Variants in USP49 observed in about 807,000 individuals in gnomAD.
USP49 encodes ubiquitin specific peptidase 49, also known as ubiquitin carboxyl-terminal hydrolase 49.
In USP49, 24 loss-of-function variants were observed where a neutral mutation model predicts 58.6. The ratio of observed to expected loss-of-function variants is 0.41; its 90% CI spans 0.30 to 0.58. USP49 has a LOEUF of 0.58. Among genes scored for constraint, USP49 ranks in the 20% least tolerant of loss-of-function variants. The pLI, the probability that USP49 is intolerant of heterozygous loss-of-function variation, is 0.30. For missense variants in USP49, 703 were observed against 866.1 expected, an observed-to-expected ratio of 0.81 and a Z score of 2.36; for synonymous variants, 408 against 365.1, an observed-to-expected ratio of 1.12 and a Z score of -1.34.
intron 6 of USP49, among the ~76,000 whole-genome samples, chr6:41,799,132 ACT>A (rs1401378987): frequency 2.6e-5 from 4 of 151,044 alleles, no homozygotes; most frequent in Admixed American, 1.3e-4. Context: ...ACAGGGTCTC[ACT>A]CTGTTGCCCA....
chr6:41,801,264 T>C (rs546463452), intron 5 of USP49, among the ~76,000 whole-genome samples: 2 of 152,260 alleles, frequency 1.3e-5, no homozygotes, highest in Non-Finnish European at 2.9e-5. Context: ...TCCCTGTTAA[T>C]TGTCTTGAGC....
rs761578620 is a variant in USP49 at position 41,806,774 on chromosome 6, C to A, written c.210G>T (p.Arg70=). The change falls in exon 4 of 8, where the codon CGG becomes CGT. Residue 70 remains arginine (R), a synonymous_variant. Coordinates refer to ENST00000682992, the MANE Select transcript of USP49 (RefSeq NM_001286554.2). This position sits in a 1 kb window ranked among gnomAD's most constrained non-coding sequence, Gnocchi z 5.9. ...ACAGGTAACAGAACACGTAGAGATCCCGGACTTCCATGGCTAGCGGGTGTC... is the reference window on the plus strand; with the variant it reads ...ACAGGTAACAGAACACGTAGAGATCACGGACTTCCATGGCTAGCGGGTGTC... The part of the protein sequence containing the change: ...ETGHPLAMEV[R]DLYVFCYLCK... 5.3e-5 allele frequency: 85 copies of A among 1,614,098 alleles called. No individual in the cohort carries two copies. The Admixed American group carries it at 1.4e-3, about 27-fold the overall frequency.
intron 2 of USP49, among the ~76,000 whole-genome samples, chr6:41,882,846 G>A (rs1774636350): frequency 6.6e-6 from 1 of 151,714 alleles, no homozygotes; most frequent in South Asian, 2.1e-4. Context: ...AACCCAGGAG[G>A]CAGAGGTTGC....
intron 2 of USP49, among the ~76,000 whole-genome samples, chr6:41,889,644 T>C (rs1024479064): frequency 6.6e-6 from 1 of 152,164 alleles, no homozygotes; most frequent in Admixed American, 6.6e-5. Context: ...AATCTCAGAA[T>C]GTACAGGAGA....
In USP49 at chr6:41,817,615, A is replaced by ATTTTTCT. The variant is rs1322088406; in HGVS notation, c.-28-10611_-28-10605dup. 8.8e-4 allele frequency among the ~76,000 whole-genome samples: 132 copies of ATTTTTCT among 150,194 alleles called. 1 individual carries two copies. The highest frequency in any genetic ancestry group is 2.5e-4 in the Non-Finnish European group (17 of 67,542). ...GCTGGGATTACAGGCGCCCACCACCATTTTTCTTTTTTCTTTTTGAGATGG... is the reference window on the plus strand; with the variant it reads ...GCTGGGATTACAGGCGCCCACCACCATTTTTCTTTTTTCTTTTTTCTTTTTGAGATGG... On this transcript the variant is annotated intron_variant, in intron 3 of 7. Transcript: ENST00000682992.
At chr6:41,850,691 G>A (rs960228807) in intron 3 of USP49, among the ~76,000 whole-genome samples, 2 of 149,426 alleles carry the variant, frequency 1.3e-5, no homozygotes, top group African/African-American at 2.5e-5. Flanking sequence ...TGCAACCTCC[G>A]CCTCCTGGGT....
At chr6:41,872,332 C>T (rs1363825264) in intron 2 of USP49, among the ~76,000 whole-genome samples, 2 of 152,204 alleles carry the variant, frequency 1.3e-5, no homozygotes, top group East Asian at 1.9e-4. Flanking sequence ...CACAGAGTTC[C>T]TCTTCGAAGA....
chr6:41,804,066 G>A, intron 4 of USP49, 56 bp from the exon 5 acceptor site: 1 of 1,518,574 alleles, frequency 6.6e-7, no homozygotes, highest in Non-Finnish European at 9.0e-7. Context: ...CCTGTGTACA[G>A]TTTTACTTGC....
intron 3 of USP49, among the ~76,000 whole-genome samples, chr6:41,843,488 T>C (rs554216971): frequency 1.3e-5 from 2 of 152,254 alleles, no homozygotes; most frequent in Non-Finnish European, 2.9e-5. Flanking sequence ...TTGTGGAACA[T>C]AGAATTTTTC....
intron 3 of USP49, among the ~76,000 whole-genome samples, chr6:41,856,348 C>A (rs1256320782): frequency 6.6e-6 from 1 of 151,182 alleles, no homozygotes; most frequent in African/African-American, 2.4e-5. Flanking sequence ...GGACTCCAGC[C>A]TGGGCGACAG....
At chr6:41,855,931 C>CCA (rs1373674850) in intron 3 of USP49, among the ~76,000 whole-genome samples, 2 of 151,968 alleles carry the variant, frequency 1.3e-5, no homozygotes, top group Admixed American at 1.3e-4. Context: ...GCCTGTAATC[C>CCA]CAGCTACTAG....
chr6:41,819,955 A>G (rs1234601614), intron 3 of USP49, among the ~76,000 whole-genome samples: 3 of 152,220 alleles, frequency 2.0e-5, no homozygotes, highest in African/African-American at 7.2e-5. Flanking sequence ...CAAATGCTAC[A>G]GGATCAGTCA....
Position 41,826,332 on chromosome 6 carries a change from C to T in USP49, c.-28-19321G>A, listed in dbSNP as rs561012490. Reference sequence around the variant, plus strand: ...GAAGGAACTATGAATAAGAAACATCCTATCTAATACTGGCAGAAGCAAAAT... The same window carrying T: ...GAAGGAACTATGAATAAGAAACATCTTATCTAATACTGGCAGAAGCAAAAT... On this transcript the variant is annotated intron_variant, in intron 3 of 7. Transcript: ENST00000682992. Among the ~76,000 whole-genome samples the T allele has an allele frequency of 4.8e-4, 53 of 110,314 alleles. No homozygotes were observed. The South Asian group carries it at 0.015, about 32-fold the overall frequency. 72.4% of individuals were successfully genotyped at this position (110,314 alleles called of 152,430 possible). A position where few individuals can be genotyped will look rare whatever the true frequency, so the allele number is the denominator to read the frequency against.
At position 41,790,466 on chromosome 6, in the gene USP49, T is replaced by C. The variant is rs1057375627; in HGVS notation, c.*6067A>G. 2.6e-5 allele frequency: 4 copies of C among 152,168 alleles called. No individual in the cohort carries two copies. The highest frequency in any genetic ancestry group is 4.8e-5 in the African/African-American group (2 of 41,436). The allele number at this position is 152,168 out of a possible 1,614,324, so 9.4% of individuals were successfully genotyped here. A position where few individuals can be genotyped will look rare whatever the true frequency, so the allele number is the denominator to read the frequency against. ...TTATATAGCCATAGAAAGAGGTGGATAGAAACAGGTCCACCATGGCAATAT... is the reference window on the plus strand; with the variant it reads ...TTATATAGCCATAGAAAGAGGTGGACAGAAACAGGTCCACCATGGCAATAT... On this transcript the variant is annotated 3_prime_UTR_variant, in exon 8 of 8. Transcript: ENST00000682992.
intron 3 of USP49, among the ~76,000 whole-genome samples, chr6:41,849,788 A>T (rs749024534): frequency 6.6e-6 from 1 of 151,970 alleles, no homozygotes; most frequent in African/African-American, 2.4e-5. Context: ...TTTGTATTTT[A>T]GTAGAGACAA....
intron 5 of USP49, among the ~76,000 whole-genome samples, chr6:41,802,452 A>ATTTTTTTTTTT (rs1561902624): frequency 1.1e-4 from 7 of 63,812 alleles, no homozygotes; most frequent in East Asian, 4.0e-4. Context: ...TTATTTATTT[A>ATTTTTTTTTTT]TTTATTTATT....
At chr6:41,874,476 T>C (rs1277837066) in intron 2 of USP49, among the ~76,000 whole-genome samples, 1 of 152,204 alleles carries the variant, frequency 6.6e-6, no homozygotes, top group Non-Finnish European at 1.5e-5. Context: ...CCAGCAACAC[T>C]GATAACAGTG....
chr6:41,894,952 T>C (rs1473395762), intron 1 of USP49, among the ~76,000 whole-genome samples: 4 of 151,526 alleles, frequency 2.6e-5, no homozygotes, highest in Non-Finnish European at 5.9e-5. Flanking sequence ...TCAACGCTTT[T>C]GCCCCAACCC....
Position 41,803,692 on chromosome 6 carries a change from A to T in USP49, c.1561+114T>A. ...GAAAAAGATCTTTAAAAGATGCTTT[A>T]GAACCATTCAATATCATTAGTGTTA... On this transcript the variant is annotated intron_variant, in intron 5 of 7. Coordinates refer to ENST00000682992, the MANE Select transcript of USP49 (RefSeq NM_001286554.2). This position sits in a 1 kb window ranked among gnomAD's most constrained non-coding sequence, Gnocchi z 4.1. 1.7e-6 allele frequency: 2 copies of T among 1,144,620 alleles called. No homozygotes were observed. Among genetic ancestry groups the T allele is most frequent in the Non-Finnish European group, 2.5e-6 (2 of 788,024 alleles). 70.9% of individuals were successfully genotyped at this position (1,144,620 alleles called of 1,614,324 possible).
Sources: gnomAD v4.1 joint callset for allele counts (sites outside exome capture counted in the v4.1 genomes callset) on GRCh38, gnomAD v4.1.1 for gene constraint, Gnocchi (gnomAD v3.1) non-coding constraint, MANE v1.5 for transcripts, NCBI Gene and HGNC (gene_info 2026-07-23, HGNC 2026-07-21) for gene names.